The following MAPT variants were observed in gnomAD, a reference collection of about 807,000 sequenced individuals.
The protein encoded by MAPT is microtubule-associated protein tau.
A neutral mutation model predicts 67.9 loss-of-function variants in MAPT; 34 were observed. That is an observed-to-expected ratio of 0.50 (90% CI 0.38 to 0.67). The LOEUF (loss-of-function observed/expected upper bound fraction) is 0.67. MAPT is among the 30% of genes least tolerant of loss of function. The probability of loss-of-function intolerance (pLI) is 0.00; values close to 1 mark genes in which losing one functional copy is unlikely to be tolerated. For missense variants in MAPT, 881 were observed against 1,115.2 expected (o/e 0.79, Z 2.99); for synonymous variants, 456 against 464.5 (o/e 0.98, Z 0.23).
intron 9 of MAPT, among the ~76,000 whole-genome samples, chr17:45,999,945 T>C (rs574085311): frequency 1.3e-5 from 2 of 152,342 alleles, no homozygotes; most frequent in South Asian, 4.1e-4. Context: ...ACAGGGTCCA[T>C]GCACAAGAGC....
intron 1 of MAPT, among the ~76,000 whole-genome samples, chr17:45,958,289 C>T (rs754015988): frequency 6.6e-6 from 1 of 152,024 alleles, no homozygotes; most frequent in Admixed American, 6.6e-5. Context: ...CATCAAAAAC[C>T]ATCAGAAACC....
chr17:45,905,489 A>G (rs2064241914), intron 1 of MAPT, among the ~76,000 whole-genome samples: 1 of 152,228 alleles, frequency 6.6e-6, no homozygotes, highest in African/African-American at 2.4e-5. Flanking sequence ...TGAGAAATGC[A>G]AGAAAAAATT....
At chr17:45,913,627 T>C (rs1279893287) in intron 1 of MAPT, among the ~76,000 whole-genome samples, 1 of 152,188 alleles carries the variant, frequency 6.6e-6, no homozygotes, top group East Asian at 1.9e-4. Flanking sequence ...GGGCAGATGC[T>C]ACAGGAAGAT....
intron 1 of MAPT, among the ~76,000 whole-genome samples, chr17:45,921,920 C>T (rs2065766572): frequency 6.6e-6 from 1 of 152,068 alleles, no homozygotes; most frequent in South Asian, 2.1e-4. Flanking sequence ...TTCAAAGCAC[C>T]TAAGCCCGGG....
Position 45,906,051 on chromosome 17 carries a change from G to A in MAPT, c.-18+11365G>A, listed in dbSNP as rs2064287373. Among the ~76,000 whole-genome samples, 1 of 152,222 alleles carries A rather than the reference G, an allele frequency of 6.6e-6. No homozygotes were observed. Among genetic ancestry groups the A allele is most frequent in the African/African-American group, 2.4e-5 (1 of 41,454 alleles). On this transcript the variant is annotated intron_variant, in intron 1 of 12. Coordinates refer to ENST00000262410, the MANE Select transcript of MAPT (RefSeq NM_001377265.1). The surrounding 1 kb of genome is among the most constrained non-coding windows in gnomAD (Gnocchi z 4.3). ...GAGCCAGCAGGGTCCGTGCCCAGGA[G>A]GGATGCATGGGTGGCCACAGCCCAG...
chr17:46,008,839 C>T (rs537758646), intron 9 of MAPT, among the ~76,000 whole-genome samples: 4 of 152,248 alleles, frequency 2.6e-5, no homozygotes, highest in East Asian at 1.9e-4. Flanking sequence ...CGGAAGCGGC[C>T]TGGGCACGGC....
In MAPT at chr17:45,971,941, G is replaced by A. The variant is rs781640412; in HGVS notation, c.216G>A (p.Ala72=). The A allele has an allele frequency of 1.4e-5, 23 of 1,613,796 alleles. No homozygotes were observed. The highest frequency in any genetic ancestry group is 1.2e-4 in the Admixed American group (7 of 60,000). Residue 72 remains alanine (A), a synonymous_variant, in exon 3 of 13, where the codon GCG becomes GCA. Coordinates refer to ENST00000262410, the MANE Select transcript of MAPT (RefSeq NM_001377265.1). The surrounding 1 kb of genome is among the most constrained non-coding windows in gnomAD (Gnocchi z 4.3). ...ETSDAKSTPT[A]EAEEAGIGDT... ...CTGATGCTAAGAGCACTCCAACAGC[G>A]GAAGGTGGGCCCCCCTTCAGACGCC...
chr17:45,992,891 CAAAAA>C (rs1187123182), intron 8 of MAPT, among the ~76,000 whole-genome samples: 3 of 85,590 alleles, frequency 3.5e-5, no homozygotes, highest in Non-Finnish European at 7.2e-5. Context: ...GATTCCTTCT[CAAAAA>C]AAAAAAAAAA....
At chr17:45,957,094 T>C (rs1210584861) in intron 1 of MAPT, among the ~76,000 whole-genome samples, 1 of 152,210 alleles carries the variant, frequency 6.6e-6, no homozygotes, top group African/African-American at 2.4e-5. Context: ...ATGATTTATA[T>C]TCCTTTGGTT....
chr17:45,952,161 C>T (rs1356859709), intron 1 of MAPT, among the ~76,000 whole-genome samples: 1 of 152,214 alleles, frequency 6.6e-6, no homozygotes, highest in African/African-American at 2.4e-5. Context: ...TTTTTCAATT[C>T]ACTATCTTTG....
intron 5 of MAPT, among the ~76,000 whole-genome samples, chr17:45,985,323 A>C (rs56240566): frequency 0.14 from 21,695 of 152,162 alleles, 2,140 homozygotes; most frequent in Non-Finnish European, 0.22. Context: ...AAAATAAAAT[A>C]AAGTTAAGAG....
chr17:45,905,888 T>TC (rs1394820588), intron 1 of MAPT, among the ~76,000 whole-genome samples: 1 of 152,236 alleles, frequency 6.6e-6, no homozygotes, highest in African/African-American at 2.4e-5. Context: ...GGGGGATGCC[T>TC]CCCAGGAGCC....
chr17:46,002,334 C>G (rs950862206), intron 9 of MAPT, among the ~76,000 whole-genome samples: 1 of 151,902 alleles, frequency 6.6e-6, no homozygotes, highest in Non-Finnish European at 1.5e-5. Flanking sequence ...CTTGGGGGGT[C>G]GCTGGGAAAC....
At chr17:45,968,012 C>T (rs1002159124) in intron 2 of MAPT, among the ~76,000 whole-genome samples, 4 of 152,086 alleles carry the variant, frequency 2.6e-5, no homozygotes, top group Admixed American at 2.6e-4. Context: ...CTTGGTTTTG[C>T]AACAGCAGCC....
At chr17:45,974,056 A>G (rs2072031813) in intron 3 of MAPT, 1 of 394,368 alleles carries the variant, frequency 2.5e-6, no homozygotes, top group Non-Finnish European at 4.8e-6. Flanking sequence ...AGTTGTAAGC[A>G]ATCATCTGGT....
At chr17:45,917,021 C>A (rs1039877251) in intron 1 of MAPT, among the ~76,000 whole-genome samples, 2 of 152,212 alleles carry the variant, frequency 1.3e-5, no homozygotes, top group African/African-American at 4.8e-5. Flanking sequence ...ATTTGAGATC[C>A]CAAGAAATGA....
At chr17:45,942,039 T>C in intron 1 of MAPT, among the ~76,000 whole-genome samples, 1 of 152,126 alleles carries the variant, frequency 6.6e-6, no homozygotes, top group East Asian at 1.9e-4. Flanking sequence ...AATGAGAACA[T>C]ATTATTGCCT....
chr17:45,989,413 G>A (rs910603613), intron 6 of MAPT, among the ~76,000 whole-genome samples: 1 of 152,190 alleles, frequency 6.6e-6, no homozygotes, highest in Non-Finnish European at 1.5e-5. Context: ...CACTTTGGGA[G>A]GCCGAGACGG....
At chr17:45,911,793 G>GC (rs113906906) in intron 1 of MAPT, among the ~76,000 whole-genome samples, 21,784 of 152,052 alleles carry the variant, frequency 0.14, 2,121 homozygotes, top group Middle Eastern at 0.22. Context: ...AAAAAAAAAG[G>GC]CTTTCTTAAA....
Sources: allele counts gnomAD v4.1 joint callset (sites outside exome capture counted in the v4.1 genomes callset), GRCh38; gene constraint gnomAD v4.1.1; non-coding constraint Gnocchi (gnomAD v3.1); transcripts MANE v1.5; gene names NCBI Gene and HGNC (gene_info 2026-07-23, HGNC 2026-07-21).